CFAP57: variants seen among roughly 807,000 people sequenced by gnomAD.
The protein encoded by CFAP57 is cilia and flagella associated protein 57.
In CFAP57, 116 loss-of-function variants were observed where a neutral mutation model predicts 146.8. The observed-to-expected ratio is 0.79, with a 90% CI of 0.68 to 0.92. The LOEUF is 0.92. Among genes scored for constraint, CFAP57 ranks in the 40% least tolerant of loss-of-function variants. CFAP57 has a pLI of 0.00. For synonymous variants in CFAP57, 518 were observed against 552.8 expected (o/e 0.94, Z 0.88); for missense variants, 1,377 against 1,527.2 (o/e 0.90, Z 1.64).
In CFAP57 at chr1:43,183,882, T is replaced by C; in HGVS notation, c.761+5T>C. ...TGTCATTCAGGAATCAGAGAGGTAA[T>C]GGTGCTTCCTGGGCTGGTGCTCCCA... On this transcript the variant is annotated splice_donor_5th_base_variant and intron_variant, in intron 4 of 22. Coordinates refer to ENST00000372492, the MANE Select transcript of CFAP57 (RefSeq NM_001378189.1). 2 of 1,613,586 alleles carry C rather than the reference T, an allele frequency of 1.2e-6. No individual in the cohort carries two copies. The highest frequency in any genetic ancestry group is 2.7e-5 in the African/African-American group (2 of 75,032).
chr1:43,185,609 A>C (rs911017643), intron 5 of CFAP57, among the ~76,000 whole-genome samples: 1 of 147,160 alleles, frequency 6.8e-6, no homozygotes. Context: ...TGGGAGGCCA[A>C]GGTGGGTGGG....
intron 11 of CFAP57, 163 bp downstream of exon 11, chr1:43,210,079 G>A (rs766869832): frequency 1.2e-6 from 2 of 1,613,802 alleles, no homozygotes; most frequent in Non-Finnish European, 1.7e-6. Context: ...TATACTCTTT[G>A]TTTAAACTAC....
At chr1:43,247,385 C>T (rs912041484) in intron 22 of CFAP57, among the ~76,000 whole-genome samples, 1 of 152,174 alleles carries the variant, frequency 6.6e-6, no homozygotes, top group Admixed American at 6.5e-5. Context: ...ACCAATATCA[C>T]CATACATCCT....
intron 2 of CFAP57, among the ~76,000 whole-genome samples, chr1:43,179,922 A>G (rs993030024): frequency 3.3e-5 from 5 of 152,130 alleles, no homozygotes; most frequent in African/African-American, 1.2e-4. Context: ...AAATATATTT[A>G]TAGGCCAGGC....
intron 18 of CFAP57, among the ~76,000 whole-genome samples, chr1:43,228,983 T>G (rs1243842460): frequency 6.7e-6 from 1 of 148,884 alleles, no homozygotes; most frequent in African/African-American, 2.5e-5. Flanking sequence ...CCTCGTGACC[T>G]GATCACCTCC....
At chr1:43,204,323 C>T (rs1644260231) in intron 9 of CFAP57, among the ~76,000 whole-genome samples, 1 of 152,060 alleles carries the variant, frequency 6.6e-6, no homozygotes, top group South Asian at 2.1e-4. Context: ...CAAAATCTAC[C>T]ATCTGGGCCC....
rs759093065 is a variant in CFAP57 at position 43,209,937 on chromosome 1, A to G, written c.1929+21A>G. 2.8e-5 allele frequency: 45 copies of G among 1,614,038 alleles called. 1 individual carries two copies. The Admixed American group carries it at 7.0e-4, about 25-fold the overall frequency. ...CCAAGGTGAGCAGGGCCCTCTCCCC[A>G]GGAACCCAGTCCCACACCTGCCTGC... On this transcript the variant is annotated intron_variant, in intron 11 of 22. Coordinates refer to ENST00000372492, the MANE Select transcript of CFAP57 (RefSeq NM_001378189.1).
intron 18 of CFAP57, among the ~76,000 whole-genome samples, chr1:43,231,699 C>CAA (rs10588937): frequency 0.014 from 1,145 of 83,540 alleles, 24 homozygotes; most frequent in African/African-American, 0.033. Flanking sequence ...CCTAAAAATA[C>CAA]AAAAAAAAAA....
intron 22 of CFAP57, among the ~76,000 whole-genome samples, chr1:43,243,980 T>A (rs992663945): frequency 4.6e-5 from 7 of 152,228 alleles, no homozygotes; most frequent in Non-Finnish European, 1.0e-4. Context: ...GCTCATTGTA[T>A]GGCAAAAGGG....
chr1:43,193,097 C>T (rs886069298), intron 6 of CFAP57, among the ~76,000 whole-genome samples: 10 of 152,064 alleles, frequency 6.6e-5, no homozygotes, highest in Admixed American at 5.9e-4. Context: ...ATGGGTTGAC[C>T]ATTTTGCATT....
At chr1:43,177,248 G>C (rs1645209034) in intron 2 of CFAP57, 1 of 455,846 alleles carries the variant, frequency 2.2e-6, no homozygotes, top group South Asian at 1.5e-5. Context: ...GTAGAGGCAG[G>C]CGACAGGGTG....
At chr1:43,174,159 T>C (rs1447827891) in intron 2 of CFAP57, among the ~76,000 whole-genome samples, 2 of 152,056 alleles carry the variant, frequency 1.3e-5, no homozygotes, top group Non-Finnish European at 2.9e-5. Flanking sequence ...ATTCTGTATA[T>C]CAATAATTTG....
intron 21 of CFAP57, among the ~76,000 whole-genome samples, chr1:43,240,721 G>C (rs991099303): frequency 2.0e-5 from 3 of 152,200 alleles, no homozygotes; most frequent in Non-Finnish European, 4.4e-5. Flanking sequence ...TTGGCTCACA[G>C]TTCTGAGGGC....
At chr1:43,172,713 G>C in intron 1 of CFAP57, 22 bp from the exon 2 acceptor site, 1 of 1,612,654 alleles carries the variant, frequency 6.2e-7, no homozygotes, top group Non-Finnish European at 8.5e-7. Flanking sequence ...CCACTCTGAA[G>C]CGCTGCCTTG....
chr1:43,220,251 C>T (rs687012), intron 13 of CFAP57, among the ~76,000 whole-genome samples: 2 of 152,164 alleles, frequency 1.3e-5, no homozygotes, highest in African/African-American at 4.8e-5. Flanking sequence ...CAAAATGAAA[C>T]GATAAGAAAA....
intron 6 of CFAP57, among the ~76,000 whole-genome samples, chr1:43,196,020 G>A (rs183447786): frequency 1.3e-5 from 2 of 152,310 alleles, no homozygotes; most frequent in African/African-American, 4.8e-5. Context: ...TTTAGAATTG[G>A]AAGAAAAAGG....
chr1:43,252,123 T>C (rs971846553), intron 22 of CFAP57, among the ~76,000 whole-genome samples: 1 of 152,162 alleles, frequency 6.6e-6, no homozygotes, highest in African/African-American at 2.4e-5. Context: ...TTTTTATTTT[T>C]CTCCCCTTAT....
intron 15 of CFAP57, 38 bp downstream of exon 15, chr1:43,222,333 G>A: frequency 1.4e-6 from 2 of 1,387,210 alleles, no homozygotes; most frequent in South Asian, 1.9e-5. Flanking sequence ...CCCTTTCACA[G>A]AGAAAAGCCA....
At chr1:43,177,504 G>T (rs952658309) in intron 2 of CFAP57, among the ~76,000 whole-genome samples, 1 of 152,102 alleles carries the variant, frequency 6.6e-6, no homozygotes, top group Non-Finnish European at 1.5e-5. Context: ...TTTAAGGGAG[G>T]GAAGTCCAGG....
Sources: allele counts gnomAD v4.1 joint callset (sites outside exome capture counted in the v4.1 genomes callset), GRCh38; gene constraint gnomAD v4.1.1; transcripts MANE v1.5; gene names NCBI Gene and HGNC (gene_info 2026-07-23, HGNC 2026-07-21).